Variants in CSGALNACT2 observed in about 807,000 individuals in gnomAD.
CSGALNACT2 encodes the protein chondroitin sulfate N-acetylgalactosaminyltransferase 2.
A neutral mutation model predicts 55.3 loss-of-function variants in CSGALNACT2; 35 were observed. The ratio of observed to expected loss-of-function variants is 0.63; its 90% CI spans 0.48 to 0.84. The LOEUF (loss-of-function observed/expected upper bound fraction) is 0.84. Among genes scored for constraint, CSGALNACT2 ranks in the 40% least tolerant of loss-of-function variants. The probability of loss-of-function intolerance (pLI) is 0.00; values close to 1 mark genes in which losing one functional copy is unlikely to be tolerated. For missense variants in CSGALNACT2, 544 were observed against 657.5 expected (o/e 0.83, Z 1.89); for synonymous variants, 196 against 224.9 (o/e 0.87, Z 1.15).
At chr10:43,163,834 C>T (rs772267448) in intron 4 of CSGALNACT2, 32 bp from the exon 5 acceptor site, 5 of 1,582,546 alleles carry the variant, frequency 3.2e-6, no homozygotes, top group Non-Finnish European at 4.3e-6. Flanking sequence ...TTAAGTGGGA[C>T]TTATCATTTG....
chr10:43,162,327 T>G, intron 4 of CSGALNACT2: 1 of 841,914 alleles, frequency 1.2e-6, no homozygotes, highest in Non-Finnish European at 1.8e-6. Flanking sequence ...GGGAAGGACA[T>G]TTTGCCCACT....
Position 43,144,564 on chromosome 10 carries a change from G to T in CSGALNACT2, c.-254+5997G>T, listed in dbSNP as rs542519672. The stretch of plus-strand genomic sequence containing the variant: ...TATACTTCAGTAAACAAACTGGAGG[G>T]GTTTTTTTTTGTTGTTGTTTTACAA... On this transcript the variant is annotated intron_variant, in intron 1 of 7. Coordinates refer to ENST00000374466, the MANE Select transcript of CSGALNACT2 (RefSeq NM_018590.5). Among the ~76,000 whole-genome samples, 105 of 43,716 alleles carry T rather than the reference G, an allele frequency of 2.4e-3. 2 individuals carry two copies. The South Asian group carries it at 0.042, about 17-fold the overall frequency. 28.7% of individuals were successfully genotyped at this position (43,716 alleles called of 152,430 possible). A position where few individuals can be genotyped will look rare whatever the true frequency, so the allele number is the denominator to read the frequency against.
rs759937265 is a variant in CSGALNACT2 at position 43,155,743 on chromosome 10, T to A, written c.594T>A (p.Asp198Glu). ...TCATTAATAATCCTGATGAAGATGA[T>A]GAACAAGAAGATGAGGAGGGTCCCC... ...LEVINNPDED[D>E]EQEDEEGPLG... Residue 198 changes from aspartate to glutamate, a missense_variant, in exon 2 of 8, where the codon GAT becomes GAA. This residue lies in a region of CSGALNACT2 where 374 missense variants were observed against 401.3 expected (regional missense o/e 0.93). Transcript: ENST00000374466. 6.3e-5 allele frequency: 102 copies of A among 1,613,998 alleles called. No homozygotes were observed. The highest frequency in any genetic ancestry group is 8.3e-5 in the Non-Finnish European group (98 of 1,180,018).
At position 43,168,191 on chromosome 10, in the gene CSGALNACT2, G is replaced by A. The variant is rs533361195; in HGVS notation, c.1254+1093G>A. The stretch of plus-strand genomic sequence containing the variant: ...AAGTGGGCCGGGCATGGTGGCTCAC[G>A]CCTGTAATCCCAGCACTTTGGGAGG... On this transcript the variant is annotated intron_variant, in intron 6 of 7. Coordinates refer to ENST00000374466, the MANE Select transcript of CSGALNACT2 (RefSeq NM_018590.5). Among the ~76,000 whole-genome samples the A allele has an allele frequency of 2.5e-3, 376 of 152,210 alleles. 4 individuals are homozygous for A. The highest frequency in any genetic ancestry group is 8.0e-3 in the African/African-American group (333 of 41,536).
chr10:43,162,420 A>G, intron 4 of CSGALNACT2: 1 of 985,296 alleles, frequency 1.0e-6, no homozygotes, highest in Non-Finnish European at 1.2e-6. Context: ...CTAGGAAATT[A>G]CTGTGGTTGG....
chr10:43,159,731 G>A (rs187984107), intron 3 of CSGALNACT2, among the ~76,000 whole-genome samples: 241 of 152,194 alleles, frequency 1.6e-3, no homozygotes, highest in Non-Finnish European at 2.8e-3. Context: ...ATTTTAAAAT[G>A]CTGAAGTGTT....
At chr10:43,158,428 G>T (rs1207902817) in intron 2 of CSGALNACT2, among the ~76,000 whole-genome samples, 1 of 152,098 alleles carries the variant, frequency 6.6e-6, no homozygotes, top group Non-Finnish European at 1.5e-5. Flanking sequence ...TTACCATATT[G>T]ATAGGCTCTA....
At chr10:43,148,139 T>C (rs567847514) in intron 1 of CSGALNACT2, among the ~76,000 whole-genome samples, 10 of 152,228 alleles carry the variant, frequency 6.6e-5, no homozygotes, top group Non-Finnish European at 8.8e-5. Context: ...GTACTATTTA[T>C]TGAAAAAACT....
intron 1 of CSGALNACT2, among the ~76,000 whole-genome samples, chr10:43,149,305 T>C (rs917495550): frequency 2.0e-4 from 30 of 152,280 alleles, no homozygotes; most frequent in Admixed American, 1.2e-3. Flanking sequence ...CAGGATGGTC[T>C]CTATCTCCTG....
At chr10:43,143,494 TG>T (rs896355612) in intron 1 of CSGALNACT2, among the ~76,000 whole-genome samples, 52 of 7,116 alleles carry the variant, frequency 7.3e-3, no homozygotes, top group Admixed American at 0.041. Context: ...TCTCCAAAAA[TG>T]TGTGTGTGTG....
intron 7 of CSGALNACT2, among the ~76,000 whole-genome samples, chr10:43,182,654 G>A (rs150238829): frequency 3.5e-4 from 53 of 151,800 alleles, no homozygotes; most frequent in African/African-American, 1.1e-3. Context: ...CCAAGTGGGC[G>A]GAACACTTGA....
At position 43,184,455 on chromosome 10, in the gene CSGALNACT2, A is replaced by G. The variant is rs1281415881; in HGVS notation, c.*913A>G. ...CAATTTTCTAATTTGGCATGGATCC[A>G]TATGTATTTACTATCCTTTTTCTAA... On this transcript the variant is annotated 3_prime_UTR_variant, in exon 8 of 8. Coordinates refer to ENST00000374466, the MANE Select transcript of CSGALNACT2 (RefSeq NM_018590.5). 6.6e-6 allele frequency: 1 copy of G among 152,194 alleles called. No individual in the cohort carries two copies. The highest frequency in any genetic ancestry group is 1.5e-5 in the Non-Finnish European group (1 of 68,036). The allele number at this position is 152,194 out of a possible 1,614,324, so 9.4% of individuals were successfully genotyped here. A position where few individuals can be genotyped will look rare whatever the true frequency, so the allele number is the denominator to read the frequency against.
chr10:43,183,823 G>A lies in CSGALNACT2; in HGVS notation c.*281G>A. 2.4e-6 allele frequency: 1 copy of A among 422,298 alleles called. No homozygotes were observed. Among genetic ancestry groups the A allele is most frequent in the Non-Finnish European group, 4.4e-6 (1 of 226,800 alleles). The allele number at this position is 422,298 out of a possible 1,614,324, so 26.2% of individuals were successfully genotyped here. ...TGAGTTAGTTCTACCTGGTGCCCAT[G>A]TTCTGATTGTGTGTGGGATTGCATG... is the stretch of plus-strand genomic sequence containing the variant. On this transcript the variant is annotated 3_prime_UTR_variant, in exon 8 of 8. Transcript: ENST00000374466.
At chr10:43,166,950 G>T in intron 5 of CSGALNACT2, 54 bp from the exon 6 acceptor site, 1 of 1,068,702 alleles carries the variant, frequency 9.4e-7, no homozygotes, top group Non-Finnish European at 1.4e-6. Context: ...TTGCAATAAA[G>T]AACAGTTCTT....
rs770803776 is a variant in CSGALNACT2, at chr10:43,155,713, G to C, written c.564G>C (p.Leu188Phe). The C allele has an allele frequency of 8.7e-6, 14 of 1,614,192 alleles. No homozygotes were observed. Among genetic ancestry groups the C allele is most frequent in the Middle Eastern group, 1.6e-4 (1 of 6,062 alleles). Residue 188 changes from leucine to phenylalanine, a missense_variant, in exon 2 of 8, where the codon TTG becomes TTC. Leu to Phe is a conservative substitution (Grantham distance 22). Around this residue, in one of 2 missense-constraint regions of CSGALNACT2, gnomAD observed 374 missense variants for 401.3 expected, o/e 0.93. Coordinates refer to ENST00000374466, the MANE Select transcript of CSGALNACT2 (RefSeq NM_018590.5). The part of the protein sequence containing the change: ...DELVEVIEAG[L>F]EVINNPDEDD... ...TGGTGGAAGTTATTGAAGCGGGCTT[G>C]GAGGTCATTAATAATCCTGATGAAG...
chr10:43,176,033 G>T lies in CSGALNACT2; in HGVS notation c.1336+1G>T. 1.2e-6 allele frequency: 2 copies of T among 1,600,044 alleles called. No individual in the cohort carries two copies. The highest frequency in any genetic ancestry group is 2.2e-5 in the East Asian group (1 of 44,754). ...TATCGTTCAGATTTCCTGACCATTG[G>T]TAAGTATACTTTACATTTAAGGATA... On this transcript the variant is annotated splice_donor_variant, in intron 7 of 7. Coordinates refer to ENST00000374466, the MANE Select transcript of CSGALNACT2 (RefSeq NM_018590.5). LOFTEE classifies it high-confidence loss of function.
intron 2 of CSGALNACT2, 130 bp downstream of exon 2, chr10:43,155,940 A>G (rs947492840): frequency 5.8e-6 from 5 of 856,320 alleles, no homozygotes; most frequent in African/African-American, 3.4e-5. Flanking sequence ...TGTTAGTAAT[A>G]TAAGTCAGTC....
intron 6 of CSGALNACT2, among the ~76,000 whole-genome samples, chr10:43,167,470 G>C (rs1049137038): frequency 6.6e-6 from 1 of 152,132 alleles, no homozygotes; most frequent in Non-Finnish European, 1.5e-5. Context: ...AGAGGGAATA[G>C]TATACTCTGG....
intron 7 of CSGALNACT2, among the ~76,000 whole-genome samples, 156 bp from the exon 8 acceptor site, chr10:43,183,094 T>G (rs1364435904): frequency 6.6e-6 from 1 of 152,170 alleles, no homozygotes; most frequent in East Asian, 1.9e-4. Flanking sequence ...GGACTTCCGG[T>G]GACTGGGAGT....
Sources: gnomAD v4.1 joint callset for allele counts (sites outside exome capture counted in the v4.1 genomes callset) on GRCh38, gnomAD v4.1.1 for gene constraint, gnomAD v4.1.1 regional missense constraint, MANE v1.5 for transcripts, NCBI Gene and HGNC (gene_info 2026-07-23, HGNC 2026-07-21) for gene names.